Variants in CNBD1 observed in about 807,000 individuals in gnomAD.
CNBD1 encodes cyclic nucleotide binding domain containing 1, also known as cyclic nucleotide-binding domain-containing protein 1.
Under a neutral mutation model 54.4 loss-of-function variants are expected in CNBD1, and 71 were observed. The ratio of observed to expected loss-of-function variants is 1.30; its 90% CI spans 1.08 to 1.59. The LOEUF (loss-of-function observed/expected upper bound fraction) is 1.59, where lower values mean the gene tolerates loss of function less well. CNBD1 is among the 40% of genes most tolerant of loss of function. The pLI is 0.00. For missense variants in CNBD1, 659 were observed against 518.0 expected, an observed-to-expected ratio of 1.27 and a Z score of -2.64; for synonymous variants, 182 against 170.7, an observed-to-expected ratio of 1.07 and a Z score of -0.51.
intron 4 of CNBD1, among the ~76,000 whole-genome samples, chr8:86,968,999 G>A (rs1047749500): frequency 1.3e-5 from 2 of 152,184 alleles, no homozygotes; most frequent in Non-Finnish European, 2.9e-5. Flanking sequence ...GGCAAATTGT[G>A]AGGGAAGTAT....
chr8:87,331,297 G>C (rs1288932271), intron 8 of CNBD1, among the ~76,000 whole-genome samples: 1 of 152,144 alleles, frequency 6.6e-6, no homozygotes, highest in Non-Finnish European at 1.5e-5. Flanking sequence ...CCACTTATGA[G>C]TGAGAACATG....
chr8:87,004,427 A>C (rs1809054071), intron 4 of CNBD1, among the ~76,000 whole-genome samples: 1 of 152,170 alleles, frequency 6.6e-6, no homozygotes, highest in African/African-American at 2.4e-5. Context: ...AAAACGTGTA[A>C]CTTATTTGTA....
At chr8:87,078,492 C>A (rs553308787) in intron 4 of CNBD1, among the ~76,000 whole-genome samples, 10 of 152,280 alleles carry the variant, frequency 6.6e-5, no homozygotes, top group Admixed American at 1.3e-4. Flanking sequence ...AGAGACCAGA[C>A]TCTGGTTTTA....
At chr8:87,135,070 A>G (rs2130730968) in intron 4 of CNBD1, among the ~76,000 whole-genome samples, 1 of 152,254 alleles carries the variant, frequency 6.6e-6, no homozygotes, top group African/African-American at 2.4e-5. Context: ...TGTTTATTCC[A>G]GTACGTAAAT....
At chr8:86,905,256 A>T in intron 3 of CNBD1, 62 bp downstream of exon 3, 1 of 923,242 alleles carries the variant, frequency 1.1e-6, no homozygotes, top group Non-Finnish European at 1.7e-6. Flanking sequence ...TTGTGCTCAC[A>T]CAAGTTGAAC....
At chr8:87,388,524 A>G (rs1811238928) in intron 2 of CNBD1, among the ~76,000 whole-genome samples, 1 of 152,204 alleles carries the variant, frequency 6.6e-6, no homozygotes, top group African/African-American at 2.4e-5. Context: ...ATTCCTCGAC[A>G]CATACACACT....
chr8:87,321,201 AG>A (rs1235521225), intron 8 of CNBD1, among the ~76,000 whole-genome samples: 2 of 148,904 alleles, frequency 1.3e-5, no homozygotes, highest in Non-Finnish European at 3.0e-5. Flanking sequence ...TCCAGAAGTA[AG>A]AATGCTGAAT....
intron 4 of CNBD1, among the ~76,000 whole-genome samples, chr8:87,027,466 T>G (rs1809674341): frequency 6.6e-6 from 1 of 152,124 alleles, no homozygotes; most frequent in South Asian, 2.1e-4. Flanking sequence ...GAGATGGGGT[T>G]TCACCATGTT....
At position 87,166,026 on chromosome 8, in the gene CNBD1, A is replaced by T. The variant is rs777997261; in HGVS notation, c.432-39967A>T. Reference sequence around the variant, plus strand: ...AACCGTGACTCTGAGATCTACATTCACGTATTGAATTGTCATTTTGAAGGC... The same window carrying T: ...AACCGTGACTCTGAGATCTACATTCTCGTATTGAATTGTCATTTTGAAGGC... On this transcript the variant is annotated intron_variant, in intron 4 of 10. Transcript: ENST00000518476. The surrounding 1 kb of genome is among the most constrained non-coding windows in gnomAD (Gnocchi z 4.3). Among the ~76,000 whole-genome samples the T allele has an allele frequency of 6.6e-6, 1 of 151,932 alleles. No homozygotes were observed. The highest frequency in any genetic ancestry group is 1.5e-5 in the Non-Finnish European group (1 of 67,914).
intron 4 of CNBD1, among the ~76,000 whole-genome samples, chr8:87,029,806 G>T (rs1192379725): frequency 6.6e-6 from 1 of 151,856 alleles, no homozygotes; most frequent in Admixed American, 6.6e-5. Context: ...TAGATTTTTG[G>T]TGTGATTGTC....
chr8:87,247,594 C>T (rs1412471356), intron 6 of CNBD1, among the ~76,000 whole-genome samples: 5 of 151,122 alleles, frequency 3.3e-5, no homozygotes, highest in East Asian at 3.9e-4. Flanking sequence ...ATCCATTCTG[C>T]GTCACTGAAA....
At chr8:87,297,194 T>G (rs977219611) in intron 8 of CNBD1, among the ~76,000 whole-genome samples, 10 of 145,670 alleles carry the variant, frequency 6.9e-5, no homozygotes, top group African/African-American at 2.5e-4. Context: ...AAGGAAAAAA[T>G]TAAATAATAT....
intron 8 of CNBD1, among the ~76,000 whole-genome samples, chr8:87,302,486 T>C (rs1809027306): frequency 6.6e-6 from 1 of 151,940 alleles, no homozygotes; most frequent in East Asian, 1.9e-4. Flanking sequence ...ATGGGACGTA[T>C]CTCAAAATAA....
intron 1 of CNBD1, among the ~76,000 whole-genome samples, chr8:86,884,755 G>A (rs1272083459): frequency 6.6e-6 from 1 of 152,140 alleles, no homozygotes; most frequent in Admixed American, 6.5e-5. Flanking sequence ...TACTACAAAA[G>A]TTTGTTGCCA....
intron 10 of CNBD1, among the ~76,000 whole-genome samples, chr8:87,359,279 C>T (rs1254460802): frequency 6.8e-6 from 1 of 146,588 alleles, no homozygotes; most frequent in Non-Finnish European, 1.5e-5. Flanking sequence ...TCAGACTATT[C>T]CATAGTCTGA....
rs573470093 is a variant in CNBD1, at chr8:86,991,073, G to A, written c.431+51319G>A. On this transcript the variant is annotated intron_variant, in intron 4 of 10. Coordinates refer to ENST00000518476, the MANE Select transcript of CNBD1 (RefSeq NM_173538.3). ...TGAATTTATCAGTTCTGATAATTTG[G>A]GTGGTGGTAGTCTTTAGGTGTTTCC... is the stretch of plus-strand genomic sequence containing the variant. Among the ~76,000 whole-genome samples, 13 of 152,060 alleles carry A rather than the reference G, an allele frequency of 8.5e-5. No homozygotes were observed. In the South Asian group the frequency reaches 1.7e-3, roughly 19 times the overall value.
chr8:87,181,932 A>C (rs1408995866), intron 4 of CNBD1, among the ~76,000 whole-genome samples: 1 of 152,036 alleles, frequency 6.6e-6, no homozygotes, highest in Non-Finnish European at 1.5e-5. Context: ...ATACATGTGC[A>C]GGTTTTTTCC....
intron 10 of CNBD1, among the ~76,000 whole-genome samples, chr8:87,374,442 A>G (rs566372145): frequency 1.6e-4 from 25 of 152,010 alleles, no homozygotes; most frequent in Middle Eastern, 3.4e-3. Context: ...GATCCTAATA[A>G]GGGCAACTTT....
At chr8:87,333,657 G>C (rs1809881780) in intron 8 of CNBD1, among the ~76,000 whole-genome samples, 1 of 152,162 alleles carries the variant, frequency 6.6e-6, no homozygotes, top group South Asian at 2.1e-4. Context: ...CATTAGTTAT[G>C]TTTATGTGAT....
Sources: gnomAD v4.1 joint callset for allele counts (sites outside exome capture counted in the v4.1 genomes callset) on GRCh38, gnomAD v4.1.1 for gene constraint, Gnocchi (gnomAD v3.1) non-coding constraint, MANE v1.5 for transcripts, NCBI Gene and HGNC (gene_info 2026-07-23, HGNC 2026-07-21) for gene names.